The following NCKAP5 variants were observed in gnomAD, a reference collection of about 807,000 sequenced individuals.
The protein encoded by NCKAP5 is NCK associated protein 5.
In NCKAP5, 92 loss-of-function variants were observed where a neutral mutation model predicts 167.0. That is an observed-to-expected ratio of 0.55 (90% CI 0.47 to 0.66). The LOEUF (loss-of-function observed/expected upper bound fraction) is 0.66. Ranked by LOEUF, NCKAP5 falls within the 30% of genes least tolerant of loss-of-function variation. The pLI, the probability that NCKAP5 is intolerant of heterozygous loss-of-function variation, is 0.00. For missense variants in NCKAP5, 2,378 were observed against 2,315.0 expected (o/e 1.03, Z -0.56); for synonymous variants, 891 against 877.4 (o/e 1.02, Z -0.27).
At chr2:132,990,564 T>C (rs1167532342) in intron 7 of NCKAP5, among the ~76,000 whole-genome samples, 3 of 152,180 alleles carry the variant, frequency 2.0e-5, no homozygotes, top group Non-Finnish European at 4.4e-5. Context: ...AACTTCAGGA[T>C]CTCAAGATGA....
chr2:133,580,738 T>G, the NCKAP5 span, among the ~76,000 whole-genome samples: 1 of 152,224 alleles, frequency 6.6e-6, no homozygotes, highest in African/African-American at 2.4e-5. Context: ...GAGAGAACAT[T>G]TGTGCATTTG....
chr2:133,635,429 A>T, the NCKAP5 span, among the ~76,000 whole-genome samples: 3 of 152,190 alleles, frequency 2.0e-5, no homozygotes, highest in Non-Finnish European at 4.4e-5. Flanking sequence ...CTTTCATGAG[A>T]TTCTAGGAAT....
At chr2:133,000,613 C>A (rs768991238) in intron 6 of NCKAP5, among the ~76,000 whole-genome samples, 2 of 152,184 alleles carry the variant, frequency 1.3e-5, no homozygotes, top group Non-Finnish European at 2.9e-5. Context: ...CCAAACTAGT[C>A]GTTGCTTGAA....
rs143840787 is a variant in NCKAP5 at position 133,292,845 on chromosome 2, T to C, written c.143+10192A>G. ...ACATTAGGGATCAATTTTATATCTT[T>C]GTTGGTTAATAGTGACTCCATCTAT... is the stretch of plus-strand genomic sequence containing the variant. On this transcript the variant is annotated intron_variant, in intron 4 of 19. Coordinates refer to ENST00000409261, the MANE Select transcript of NCKAP5 (RefSeq NM_207363.3). Among the ~76,000 whole-genome samples, 197 of 152,348 alleles carry C rather than the reference T, an allele frequency of 1.3e-3. 5 individuals are homozygous for C. The East Asian group carries it at 0.035, about 27-fold the overall frequency.
At chr2:133,274,341 G>C (rs766069324) in intron 4 of NCKAP5, among the ~76,000 whole-genome samples, 2 of 151,926 alleles carry the variant, frequency 1.3e-5, no homozygotes, top group Non-Finnish European at 2.9e-5. Context: ...TTAAAGATGT[G>C]AAACACCTTT....
intron 3 of NCKAP5, among the ~76,000 whole-genome samples, chr2:133,476,038 C>T (rs1679854592): frequency 6.6e-6 from 1 of 152,214 alleles, no homozygotes. Flanking sequence ...CCAGAAGATT[C>T]TTCCTTATCC....
rs146498500 is a variant in NCKAP5 at position 132,794,051 on chromosome 2, G to A, written c.909+2577C>T. On this transcript the variant is annotated intron_variant, in intron 12 of 19. Coordinates refer to ENST00000409261, the MANE Select transcript of NCKAP5 (RefSeq NM_207363.3). Reference sequence around the variant, plus strand: ...TCTGGCTTTCACTTGCTAGCTCTGTGAGCTTGGGAAAATTACTGAACCCCT... The same window carrying A: ...TCTGGCTTTCACTTGCTAGCTCTGTAAGCTTGGGAAAATTACTGAACCCCT... 3.3e-5 allele frequency among the ~76,000 whole-genome samples: 5 copies of A among 151,464 alleles called. No homozygotes were observed. In the East Asian group the frequency reaches 9.7e-4, roughly 29 times the overall value.
intron 11 of NCKAP5, among the ~76,000 whole-genome samples, chr2:132,817,207 A>G (rs920442687): frequency 1.3e-5 from 2 of 152,224 alleles, no homozygotes; most frequent in African/African-American, 4.8e-5. Flanking sequence ...TGAATCTGTC[A>G]CTAGACTCCA....
At chr2:133,593,360 T>C in the NCKAP5 span, among the ~76,000 whole-genome samples, 2 of 152,034 alleles carry the variant, frequency 1.3e-5, no homozygotes. Flanking sequence ...GCTTGAAATT[T>C]TCTGACAAAA....
chr2:132,916,178 T>G (rs1400320880), intron 8 of NCKAP5, among the ~76,000 whole-genome samples: 1 of 151,838 alleles, frequency 6.6e-6, no homozygotes, highest in Non-Finnish European at 1.5e-5. Flanking sequence ...CAAGCAAAGA[T>G]GAGAAATACT....
the NCKAP5 span, among the ~76,000 whole-genome samples, chr2:133,633,991 T>C: frequency 6.6e-5 from 10 of 152,190 alleles, no homozygotes; most frequent in African/African-American, 2.2e-4. Flanking sequence ...ATCCTTCAAA[T>C]AGAAACTCTT....
At chr2:132,885,884 T>C (rs1165397801) in intron 8 of NCKAP5, among the ~76,000 whole-genome samples, 1 of 152,250 alleles carries the variant, frequency 6.6e-6, no homozygotes, top group African/African-American at 2.4e-5. Flanking sequence ...CAAAAATCTG[T>C]CCTCTGCATA....
intron 2 of NCKAP5, among the ~76,000 whole-genome samples, chr2:133,526,055 T>C (rs186231108): frequency 6.6e-6 from 1 of 152,140 alleles, no homozygotes; most frequent in East Asian, 1.9e-4. Context: ...GTTCCATTCA[T>C]TCAAAATTAA....
intron 2 of NCKAP5, among the ~76,000 whole-genome samples, chr2:133,518,134 G>T (rs1239331358): frequency 2.0e-5 from 3 of 152,054 alleles, no homozygotes; most frequent in Non-Finnish European, 4.4e-5. Context: ...AATGGTGGGT[G>T]ATGTCATTAC....
At chr2:133,036,517 A>G (rs1484665151) in intron 6 of NCKAP5, among the ~76,000 whole-genome samples, 2 of 152,086 alleles carry the variant, frequency 1.3e-5, no homozygotes, top group Non-Finnish European at 2.9e-5. Flanking sequence ...GGTTCAACAT[A>G]TGCAAATCAA....
chr2:132,852,374 A>G (rs538522059), intron 11 of NCKAP5, among the ~76,000 whole-genome samples: 1 of 152,230 alleles, frequency 6.6e-6, no homozygotes, highest in African/African-American at 2.4e-5. Context: ...CCTCTATTCA[A>G]TGTTGAAATC....
At chr2:133,059,493 G>A (rs1371512183) in intron 6 of NCKAP5, among the ~76,000 whole-genome samples, 1 of 151,340 alleles carries the variant, frequency 6.6e-6, no homozygotes, top group Non-Finnish European at 1.5e-5. Context: ...CCTGAGGGTG[G>A]GACCCTATCT....
chr2:133,626,753 C>G, the NCKAP5 span, among the ~76,000 whole-genome samples: 1 of 151,918 alleles, frequency 6.6e-6, no homozygotes, highest in South Asian at 2.1e-4. Flanking sequence ...CAAGTGAAAA[C>G]AGATAAGTCT....
chr2:132,782,208 T>G lies in NCKAP5; in HGVS notation c.4603A>C (p.Lys1535Gln). 2 of 1,613,828 alleles carry G rather than the reference T, an allele frequency of 1.2e-6. No homozygotes were observed. Among genetic ancestry groups the G allele is most frequent in the Non-Finnish European group, 1.7e-6 (2 of 1,179,870 alleles). Residue 1535 changes from lysine to glutamine, a missense_variant, in exon 14 of 20, where the codon AAA becomes CAA. Around this residue, in one of 3 missense-constraint regions of NCKAP5, gnomAD observed 1,325 missense variants for 1,274.5 expected, o/e 1.04. Transcript: ENST00000409261. ...CCAAACCCCAAGACTTTTGCATCTT[T>G]CTTTTCTACTTTGGTTTTGGAGATG... ...MDISKTKVEK[K>Q]DAKVLGFGNR...
Sources: gnomAD v4.1 joint callset for allele counts (sites outside exome capture counted in the v4.1 genomes callset) on GRCh38, gnomAD v4.1.1 for gene constraint, gnomAD v4.1.1 regional missense constraint, MANE v1.5 for transcripts, NCBI Gene and HGNC (gene_info 2026-07-23, HGNC 2026-07-21) for gene names.